Variants in ALPK1 observed in about 807,000 individuals in gnomAD.
ALPK1 encodes alpha-protein kinase 1.
Under a neutral mutation model 120.6 loss-of-function variants are expected in ALPK1, and 110 were observed. That is an observed-to-expected ratio of 0.91 (90% confidence interval 0.78 to 1.07). The LOEUF is 1.07. ALPK1 is among the 50% of genes least tolerant of loss of function. The pLI is 0.00. For synonymous variants in ALPK1, 582 were observed against 560.3 expected (o/e 1.04, Z -0.55); for missense variants, 1,498 against 1,483.9 (o/e 1.01, Z -0.16).
intron 2 of ALPK1, among the ~76,000 whole-genome samples, chr4:112,350,077 G>T (rs1730286285): frequency 6.6e-6 from 1 of 152,092 alleles, no homozygotes; most frequent in African/African-American, 2.4e-5. Flanking sequence ...TGCTTAACTT[G>T]GCTGTTTATT....
At chr4:112,409,884 G>T (rs1186434875) in intron 4 of ALPK1, among the ~76,000 whole-genome samples, 2 of 152,152 alleles carry the variant, frequency 1.3e-5, no homozygotes, top group Non-Finnish European at 2.9e-5. Context: ...CACAATGACA[G>T]CAATGATAGA....
intron 5 of ALPK1, 51 bp from the exon 6 acceptor site, chr4:112,423,893 T>G: frequency 6.3e-7 from 1 of 1,576,194 alleles, no homozygotes; most frequent in South Asian, 1.1e-5. Context: ...CTTGTAATTG[T>G]TAAGTGCATG....
chr4:112,401,247 T>C (rs1732901259), intron 4 of ALPK1, among the ~76,000 whole-genome samples: 1 of 152,182 alleles, frequency 6.6e-6, no homozygotes, highest in African/African-American at 2.4e-5. Flanking sequence ...TTAAAAGTTA[T>C]GACATTTATG....
intron 2 of ALPK1, among the ~76,000 whole-genome samples, chr4:112,360,822 G>T (rs1480446631): frequency 3.3e-5 from 5 of 152,126 alleles, no homozygotes; most frequent in African/African-American, 1.2e-4. Context: ...GTAACCAACT[G>T]TATGTAAGTC....
chr4:112,428,394 A>G (rs980039941), intron 9 of ALPK1, among the ~76,000 whole-genome samples: 1 of 152,202 alleles, frequency 6.6e-6, no homozygotes, highest in Admixed American at 6.5e-5. Flanking sequence ...ATTATTAAAG[A>G]TACCATTAAA....
chr4:112,328,168 G>T (rs1377350830), intron 2 of ALPK1, among the ~76,000 whole-genome samples: 1 of 152,180 alleles, frequency 6.6e-6, no homozygotes, highest in East Asian at 1.9e-4. Flanking sequence ...TTCTCTTTAT[G>T]ACCACAGGCC....
intron 1 of ALPK1, among the ~76,000 whole-genome samples, chr4:112,308,059 A>G (rs1420898406): frequency 6.6e-6 from 1 of 152,074 alleles, no homozygotes; most frequent in Non-Finnish European, 1.5e-5. Flanking sequence ...TTTCTTTAAG[A>G]ATGTTGAATA....
chr4:112,336,450 T>A (rs1729624497), intron 2 of ALPK1, among the ~76,000 whole-genome samples: 1 of 152,358 alleles, frequency 6.6e-6, no homozygotes, highest in South Asian at 2.1e-4. Context: ...CTCAATCTCT[T>A]TGGGCCATTT....
intron 2 of ALPK1, chr4:112,356,535 T>C (rs950856337): frequency 2.9e-5 from 25 of 849,110 alleles, no homozygotes; most frequent in Non-Finnish European, 4.6e-5. Context: ...GCCTGAGGTG[T>C]GTGTGCTGGG....
At chr4:112,306,280 G>A (rs913562638) in intron 1 of ALPK1, among the ~76,000 whole-genome samples, 1 of 152,062 alleles carries the variant, frequency 6.6e-6, no homozygotes, top group Non-Finnish European at 1.5e-5. Context: ...AGTTAGGGAG[G>A]ATTCCCTCTT....
At chr4:112,416,299 C>G (rs1298000853) in intron 5 of ALPK1, among the ~76,000 whole-genome samples, 1 of 152,126 alleles carries the variant, frequency 6.6e-6, no homozygotes, top group Admixed American at 6.5e-5. Flanking sequence ...TTTCTACAGC[C>G]AGTTTCTCAG....
rs751091985 is a variant in ALPK1 at position 112,411,812 on chromosome 4, A to G, written c.277-15A>G. The G allele has an allele frequency of 4.8e-5, 77 of 1,600,678 alleles. No individual in the cohort carries two copies. The highest frequency in any genetic ancestry group is 6.2e-5 in the Non-Finnish European group (73 of 1,174,230). Reference sequence around the variant, plus strand: ...GTTTCCGCCTGGCTCACGATGTTCCACGCTGTTCCTCCAGGCGTCCCTGAG... The same window carrying G: ...GTTTCCGCCTGGCTCACGATGTTCCGCGCTGTTCCTCCAGGCGTCCCTGAG... On this transcript the variant is annotated splice_polypyrimidine_tract_variant and intron_variant, in intron 4 of 15. Transcript: ENST00000650871.
At chr4:112,332,108 C>G (rs551487541) in intron 2 of ALPK1, among the ~76,000 whole-genome samples, 1 of 152,162 alleles carries the variant, frequency 6.6e-6, no homozygotes, top group Non-Finnish European at 1.5e-5. Flanking sequence ...TTGCCACAGT[C>G]ACTCACTCTA....
At chr4:112,387,224 T>C (rs756959598) in intron 4 of ALPK1, among the ~76,000 whole-genome samples, 2 of 152,182 alleles carry the variant, frequency 1.3e-5, no homozygotes, top group Non-Finnish European at 2.9e-5. Context: ...TTCACTCTTC[T>C]AAACAACAAC....
intron 4 of ALPK1, chr4:112,384,133 A>G (rs931174029): frequency 4.6e-5 from 7 of 152,238 alleles, no homozygotes; most frequent in Non-Finnish European, 1.0e-4. Context: ...CAAGGAAATT[A>G]AGGTGCGAAG....
At chr4:112,329,598 T>C (rs1033344636) in intron 2 of ALPK1, among the ~76,000 whole-genome samples, 2 of 152,186 alleles carry the variant, frequency 1.3e-5, no homozygotes, top group Non-Finnish European at 2.9e-5. Flanking sequence ...AATTCAGAAA[T>C]TATAAGATGT....
In ALPK1 at chr4:112,432,226, C is replaced by T. The variant is rs146666327; in HGVS notation, c.2679C>T (p.Ser893=). The change falls in exon 11 of 16, where the codon AGC becomes AGT. Residue 893 remains serine, a synonymous_variant. Coordinates refer to ENST00000650871, the MANE Select transcript of ALPK1 (RefSeq NM_025144.4). ...QRAETPNSSV[S]GNILFPVLSE... is the part of the protein sequence containing the mutation. ...CGGAGACCCCCAATTCCTCTGTAAG[C>T]GGTAACATCCTCTTCCCTGTCCTCA... 2.0e-5 allele frequency: 33 copies of T among 1,614,208 alleles called. No individual in the cohort carries two copies. Among genetic ancestry groups the T allele is most frequent in the Middle Eastern group, 1.6e-4 (1 of 6,062 alleles).
At chr4:112,408,084 G>A (rs1433480273) in intron 4 of ALPK1, among the ~76,000 whole-genome samples, 2 of 151,264 alleles carry the variant, frequency 1.3e-5, no homozygotes, top group Non-Finnish European at 2.9e-5. Flanking sequence ...TCCAGCTTGG[G>A]TGACAGAGCA....
chr4:112,344,997 G>A (rs776477673), intron 2 of ALPK1, among the ~76,000 whole-genome samples: 4 of 152,186 alleles, frequency 2.6e-5, no homozygotes, highest in Non-Finnish European at 5.9e-5. Context: ...AATGAAGTTG[G>A]AGATTTTCTT....
Sources: allele counts gnomAD v4.1 joint callset (sites outside exome capture counted in the v4.1 genomes callset), GRCh38; gene constraint gnomAD v4.1.1; transcripts MANE v1.5; gene names NCBI Gene and HGNC (gene_info 2026-07-23, HGNC 2026-07-21).